SORCS3: variants seen among roughly 807,000 people sequenced by gnomAD.
SORCS3 encodes the protein VPS10 domain-containing receptor SorCS3.
Under a neutral mutation model 146.3 loss-of-function variants are expected in SORCS3, and 57 were observed. The observed-to-expected ratio is 0.39, with a 90% CI of 0.31 to 0.49. The LOEUF (loss-of-function observed/expected upper bound fraction) is 0.49. Among genes scored for constraint, SORCS3 ranks in the 20% least tolerant of loss-of-function variants. The pLI is 0.92. For synonymous variants in SORCS3, 653 were observed against 618.5 expected (o/e 1.06, Z -0.83); for missense variants, 1,341 against 1,575.5 (o/e 0.85, Z 2.52).
chr10:104,997,529 A>G (rs900732163), intron 4 of SORCS3, among the ~76,000 whole-genome samples: 2 of 152,160 alleles, frequency 1.3e-5, no homozygotes, highest in Non-Finnish European at 2.9e-5. Context: ...TCATTGGAAA[A>G]AGCCCACTGT....
chr10:105,039,451 C>CT (rs920662213), intron 4 of SORCS3, among the ~76,000 whole-genome samples: 5,963 of 96,472 alleles, frequency 0.062, 369 homozygotes, highest in Middle Eastern at 0.078. Flanking sequence ...CTCTCGCTCT[C>CT]TTTTTTTTTT....
rs185241177 is a variant in SORCS3, at chr10:104,998,782, A to G, written c.954+21289A>G. 2.0e-3 allele frequency among the ~76,000 whole-genome samples: 298 copies of G among 152,204 alleles called. 2 individuals carry two copies. The highest frequency in any genetic ancestry group is 6.8e-3 in the African/African-American group (282 of 41,530). ...ATCACTGAGGACAGTTTCCCAGTGG[A>G]GAATCATCGGCCCTTGAGTAATATG... is the stretch of plus-strand genomic sequence containing the variant. On this transcript the variant is annotated intron_variant, in intron 4 of 26. Transcript: ENST00000369701.
chr10:105,221,002 G>T (rs1177395535), intron 19 of SORCS3, among the ~76,000 whole-genome samples: 1 of 152,132 alleles, frequency 6.6e-6, no homozygotes, highest in Non-Finnish European at 1.5e-5. Context: ...CCATATGTTT[G>T]GGGTCAAGGC....
chr10:105,045,071 C>T (rs1485346973), intron 5 of SORCS3, among the ~76,000 whole-genome samples: 1 of 147,006 alleles, frequency 6.8e-6, no homozygotes, highest in Admixed American at 6.7e-5. Context: ...AAAGAAAGAG[C>T]CCTCTGCTGT....
chr10:104,849,666 T>C (rs1700245760), intron 2 of SORCS3, among the ~76,000 whole-genome samples: 1 of 152,202 alleles, frequency 6.6e-6, no homozygotes, highest in South Asian at 2.1e-4. Context: ...CTATCTCATA[T>C]AGGTTTTGTG....
intron 5 of SORCS3, among the ~76,000 whole-genome samples, chr10:105,060,261 G>A (rs2055476137): frequency 6.6e-6 from 1 of 152,138 alleles, no homozygotes. Context: ...AGAAAGAAGA[G>A]AAACAGAAAA....
chr10:105,201,317 G>A (rs1217810457), intron 16 of SORCS3, 64 bp downstream of exon 16: 2 of 1,549,326 alleles, frequency 1.3e-6, no homozygotes. Context: ...GGGGTGGGGT[G>A]GGGTGAAGAT....
At chr10:104,657,353 T>C (rs1347498270) in intron 1 of SORCS3, among the ~76,000 whole-genome samples, 3 of 152,210 alleles carry the variant, frequency 2.0e-5, no homozygotes, top group Non-Finnish European at 4.4e-5. Context: ...ATTTAGGTGG[T>C]TTATTTTGCA....
chr10:104,858,938 T>A (rs199529698), intron 2 of SORCS3, among the ~76,000 whole-genome samples: 31 of 138,524 alleles, frequency 2.2e-4, no homozygotes, highest in South Asian at 4.6e-4. Flanking sequence ...TGTACATTTA[T>A]AAAAAAAAAA....
chr10:105,160,213 G>A (rs1195141619), intron 11 of SORCS3, among the ~76,000 whole-genome samples: 1 of 152,172 alleles, frequency 6.6e-6, no homozygotes, highest in African/African-American at 2.4e-5. Context: ...TTAGTGTGTA[G>A]CCAGGCATTG....
intron 1 of SORCS3, chr10:104,822,036 G>A (rs1564691504): frequency 5.9e-6 from 3 of 512,436 alleles, no homozygotes; most frequent in Non-Finnish European, 1.2e-5. Context: ...CTACTGCAAG[G>A]TCCACATTTG....
rs538708350 is a variant in SORCS3, at chr10:105,262,468, A to C, written c.3581A>C (p.Lys1194Thr). The change falls in exon 26 of 27, where the codon AAA (lysine) becomes ACA (threonine). Residue 1194 changes from lysine to threonine, a missense_variant. By Grantham distance (78) the Lys-to-Thr change is moderately conservative. Transcript: ENST00000369701. ...ACGGAGCCTGAGGAGCTGCTGGACA[A>C]AGAGCTGGACACGCGGGTCATAGGT... The part of the protein sequence containing the change: ...DFTEPEELLD[K>T]ELDTRVIGGI... 6.2e-7 allele frequency: 1 copy of C among 1,613,902 alleles called. No individual in the cohort carries two copies. The highest frequency in any genetic ancestry group is 1.1e-5 in the South Asian group (1 of 91,068).
At chr10:104,683,191 C>A (rs999092101) in intron 1 of SORCS3, among the ~76,000 whole-genome samples, 1 of 152,150 alleles carries the variant, frequency 6.6e-6, no homozygotes, top group South Asian at 2.1e-4. Context: ...CATGAAGAGT[C>A]CAGGGAACAA....
intron 5 of SORCS3, among the ~76,000 whole-genome samples, chr10:105,085,166 T>G (rs1355742806): frequency 1.3e-5 from 2 of 152,218 alleles, no homozygotes; most frequent in Non-Finnish European, 2.9e-5. Flanking sequence ...GGGATGCTGC[T>G]GAATATTCTG....
At chr10:104,671,703 T>G (rs1159873921) in intron 1 of SORCS3, among the ~76,000 whole-genome samples, 1 of 152,062 alleles carries the variant, frequency 6.6e-6, no homozygotes, top group Admixed American at 6.6e-5. Flanking sequence ...GTGGATTTTG[T>G]CAAATGCTTT....
At chr10:105,074,817 A>G (rs779430645) in intron 5 of SORCS3, among the ~76,000 whole-genome samples, 15 of 152,162 alleles carry the variant, frequency 9.9e-5, no homozygotes, top group Non-Finnish European at 1.3e-4. Flanking sequence ...GTCTACACCA[A>G]TATCATGTAC....
At chr10:104,785,051 A>T (rs1467287011) in intron 1 of SORCS3, among the ~76,000 whole-genome samples, 1 of 151,072 alleles carries the variant, frequency 6.6e-6, no homozygotes, top group Non-Finnish European at 1.5e-5. Flanking sequence ...CACCTCCCGG[A>T]TGGGGCGGCT....
chr10:105,176,322 T>C (rs1346836196), intron 13 of SORCS3, among the ~76,000 whole-genome samples: 2 of 151,486 alleles, frequency 1.3e-5, no homozygotes, highest in African/African-American at 2.4e-5. Flanking sequence ...AGTGGGAGGA[T>C]TGCTTGCAGC....
chr10:104,717,456 G>C (rs1184106202), intron 1 of SORCS3, among the ~76,000 whole-genome samples: 3 of 152,030 alleles, frequency 2.0e-5, no homozygotes, highest in Non-Finnish European at 4.4e-5. Flanking sequence ...CGGACACCTA[G>C]AGCTCACCCA....
Sources: gnomAD v4.1 joint callset for allele counts (sites outside exome capture counted in the v4.1 genomes callset) on GRCh38, gnomAD v4.1.1 for gene constraint, MANE v1.5 for transcripts, NCBI Gene and HGNC (gene_info 2026-07-23, HGNC 2026-07-21) for gene names.